The following PPHLN1 variants were observed in gnomAD, a reference collection of about 807,000 sequenced individuals.
PPHLN1 encodes the protein periphilin-1.
A neutral mutation model predicts 51.3 loss-of-function variants in PPHLN1; 29 were observed. The ratio of observed to expected loss-of-function variants is 0.57; its 90% CI spans 0.42 to 0.77. The LOEUF (loss-of-function observed/expected upper bound fraction) is 0.77. PPHLN1 is among the 30% of genes least tolerant of loss of function. The pLI, the probability that PPHLN1 is intolerant of heterozygous loss-of-function variation, is 0.00. For synonymous variants in PPHLN1, 147 were observed against 147.8 expected (o/e 0.99, Z 0.04); for missense variants, 436 against 438.4 (o/e 0.99, Z 0.05).
intron 1 of PPHLN1, among the ~76,000 whole-genome samples, chr12:42,329,093 AATT>A (rs2069242549): frequency 7.1e-6 from 1 of 140,908 alleles, no homozygotes; most frequent in African/African-American, 2.8e-5. Flanking sequence ...CTGGAATTTC[AATT>A]TTTTTTTTTT....
intron 9 of PPHLN1, among the ~76,000 whole-genome samples, chr12:42,438,075 A>T (rs1251798691): frequency 6.6e-6 from 1 of 152,220 alleles, no homozygotes; most frequent in Non-Finnish European, 1.5e-5. Flanking sequence ...TTATCCATTA[A>T]AGAACATCTT....
chr12:42,383,914 G>A (rs1235653328), intron 5 of PPHLN1, among the ~76,000 whole-genome samples: 1 of 150,250 alleles, frequency 6.7e-6, no homozygotes, highest in African/African-American at 2.4e-5. Context: ...AACCCGGGGG[G>A]CGGAGGTTGC....
At chr12:42,393,909 A>G (rs995114503) in intron 8 of PPHLN1, among the ~76,000 whole-genome samples, 1 of 152,152 alleles carries the variant, frequency 6.6e-6, no homozygotes, top group Non-Finnish European at 1.5e-5. Context: ...GTGTGTAAGA[A>G]TAGTATAAAT....
intron 9 of PPHLN1, among the ~76,000 whole-genome samples, chr12:42,431,269 T>C (rs1256322317): frequency 1.3e-5 from 2 of 152,234 alleles, no homozygotes; most frequent in African/African-American, 4.8e-5. Flanking sequence ...CTGCATTTTA[T>C]TCTAGTTTTC....
intron 2 of PPHLN1, among the ~76,000 whole-genome samples, chr12:42,338,809 T>C (rs191191802): frequency 6.6e-6 from 1 of 152,332 alleles, no homozygotes; most frequent in East Asian, 1.9e-4. Context: ...AATTATTGTC[T>C]CTTTGGGTGT....
chr12:42,355,915 A>G (rs771197583), intron 4 of PPHLN1, among the ~76,000 whole-genome samples: 2 of 152,206 alleles, frequency 1.3e-5, no homozygotes, highest in Non-Finnish European at 2.9e-5. Context: ...GGGTTCTTAC[A>G]AAGTCTATTA....
At chr12:42,363,446 A>AT (rs11402998) in intron 4 of PPHLN1, among the ~76,000 whole-genome samples, 38,938 of 148,814 alleles carry the variant, frequency 0.26, 6,096 homozygotes, top group Middle Eastern at 0.36. Flanking sequence ...TACTCTAGCT[A>AT]TTTTTTTTTC....
At chr12:42,327,011 G>A (rs2068887307) in intron 1 of PPHLN1, among the ~76,000 whole-genome samples, 1 of 152,168 alleles carries the variant, frequency 6.6e-6, no homozygotes, top group Admixed American at 6.5e-5. Context: ...TGAGAGGCCT[G>A]AATGCCTCCG....
At chr12:42,437,067 A>T (rs560648588) in intron 9 of PPHLN1, among the ~76,000 whole-genome samples, 37 of 152,276 alleles carry the variant, frequency 2.4e-4, no homozygotes, top group African/African-American at 8.4e-4. Context: ...TTCCTGATAC[A>T]TCCAAAGGTT....
chr12:42,343,723 G>A (rs1468900101), intron 2 of PPHLN1: 2 of 271,530 alleles, frequency 7.4e-6, no homozygotes, highest in Non-Finnish European at 1.4e-5. Context: ...TGACAGAATT[G>A]CAAGGACTTA....
At chr12:42,393,755 G>C in intron 8 of PPHLN1, 66 bp downstream of exon 8, 1 of 1,461,960 alleles carries the variant, frequency 6.8e-7, no homozygotes, top group Non-Finnish European at 9.2e-7. Flanking sequence ...AATTATGGGC[G>C]AAAAATATTT....
At chr12:42,343,782 G>A in intron 2 of PPHLN1, 1 of 352,452 alleles carries the variant, frequency 2.8e-6, no homozygotes, top group Non-Finnish European at 5.4e-6. Flanking sequence ...ATCAATTCTT[G>A]GCTACATTCT....
chr12:42,446,097 T>C (rs539718091), downstream of PPHLN1: 9 of 1,552,612 alleles, frequency 5.8e-6, no homozygotes, highest in East Asian at 2.0e-4. Context: ...CCGCAGCCCC[T>C]GCAGCCCCGG....
intron 5 of PPHLN1, among the ~76,000 whole-genome samples, chr12:42,375,859 C>T (rs1459090765): frequency 6.6e-6 from 1 of 152,158 alleles, no homozygotes; most frequent in Non-Finnish European, 1.5e-5. Context: ...TGCAGTAGAG[C>T]TCGTTCACAT....
At chr12:42,429,155 C>CT (rs1413244121) in intron 9 of PPHLN1, among the ~76,000 whole-genome samples, 1 of 151,928 alleles carries the variant, frequency 6.6e-6, no homozygotes, top group African/African-American at 2.4e-5. Flanking sequence ...TAGATTTAGC[C>CT]TTTTTATATG....
chr12:42,329,257 G>A (rs942902941), intron 1 of PPHLN1, among the ~76,000 whole-genome samples: 3 of 151,478 alleles, frequency 2.0e-5, no homozygotes, highest in South Asian at 4.2e-4. Flanking sequence ...GCCCACCACC[G>A]CCCCCGGCTA....
chr12:42,399,207 ACTT>A, intron 9 of PPHLN1: 2 of 1,193,938 alleles, frequency 1.7e-6, no homozygotes, highest in Non-Finnish European at 2.1e-6. Context: ...TAAAAAACAG[ACTT>A]CTTTTTTACA....
downstream of PPHLN1, chr12:42,448,314 A>G (rs1457975819): frequency 6.6e-6 from 1 of 152,168 alleles, no homozygotes; most frequent in Admixed American, 6.6e-5. Flanking sequence ...ATGGCTTGCC[A>G]TCAGCATTAT....
At chr12:42,350,707 G>A (rs914946994) in intron 2 of PPHLN1, among the ~76,000 whole-genome samples, 3 of 152,178 alleles carry the variant, frequency 2.0e-5, no homozygotes, top group Non-Finnish European at 4.4e-5. Flanking sequence ...CTCTGTCTGC[G>A]ATCCCGGCAC....
Sources: gnomAD v4.1 joint callset for allele counts (sites outside exome capture counted in the v4.1 genomes callset) on GRCh38, gnomAD v4.1.1 for gene constraint, MANE v1.5 for transcripts, NCBI Gene and HGNC (gene_info 2026-07-23, HGNC 2026-07-21) for gene names.